PHACTR3: variants seen among roughly 807,000 people sequenced by gnomAD.
PHACTR3 encodes the protein protein phosphatase 1, regulatory subunit 123.
PHACTR3 carries 16 observed loss-of-function variants against 66.8 expected under a neutral mutation model. The observed-to-expected ratio is 0.24, with a 90% CI of 0.16 to 0.36. The LOEUF (loss-of-function observed/expected upper bound fraction) is 0.36, where lower values mean the gene tolerates loss of function less well. PHACTR3 is among the 10% of genes least tolerant of loss of function. PHACTR3 has a pLI of 1.00. For synonymous variants in PHACTR3, 323 were observed against 292.1 expected (o/e 1.11, Z -1.08); for missense variants, 647 against 719.9 (o/e 0.90, Z 1.16).
chr20:59,663,467 C>A (rs1402097834), intron 1 of PHACTR3, among the ~76,000 whole-genome samples: 1 of 152,118 alleles, frequency 6.6e-6, no homozygotes. Flanking sequence ...CTAGTGAGGC[C>A]CCCAGTTCTT....
intron 1 of PHACTR3, among the ~76,000 whole-genome samples, chr20:59,693,611 G>C (rs575994432): frequency 6.6e-6 from 1 of 152,210 alleles, no homozygotes; most frequent in Admixed American, 6.5e-5. Context: ...TGGTGTATCA[G>C]TTACCTGTTT....
At chr20:59,712,948 T>G (rs1298604814) in intron 1 of PHACTR3, among the ~76,000 whole-genome samples, 1 of 152,264 alleles carries the variant, frequency 6.6e-6, no homozygotes, top group Non-Finnish European at 1.5e-5. Context: ...AACATTATCA[T>G]TCTAATTTCT....
chr20:59,685,267 C>T (rs1340314973), intron 1 of PHACTR3, among the ~76,000 whole-genome samples: 10 of 152,212 alleles, frequency 6.6e-5, no homozygotes, highest in African/African-American at 2.4e-4. Context: ...CTCCCATTGC[C>T]TCTGGACCAC....
At chr20:59,743,599 C>T (rs909701993) in intron 2 of PHACTR3, among the ~76,000 whole-genome samples, 6 of 152,218 alleles carry the variant, frequency 3.9e-5, no homozygotes, top group African/African-American at 1.4e-4. Flanking sequence ...GAGACACTGG[C>T]TTTGGAGCAA....
chr20:59,661,230 C>T (rs1421912147), intron 1 of PHACTR3, among the ~76,000 whole-genome samples: 1 of 152,092 alleles, frequency 6.6e-6, no homozygotes. Context: ...CTTTTTCCTG[C>T]TGGACTGGGC....
chr20:59,630,864 C>T (rs1481468029), intron 1 of PHACTR3, among the ~76,000 whole-genome samples: 2 of 151,838 alleles, frequency 1.3e-5, no homozygotes, highest in Non-Finnish European at 2.9e-5. Context: ...CAAGGAAGCT[C>T]TAGGATTCTC....
chr20:59,645,448 C>A (rs1326561330), intron 1 of PHACTR3, among the ~76,000 whole-genome samples: 2 of 151,984 alleles, frequency 1.3e-5, no homozygotes, highest in African/African-American at 4.8e-5. Flanking sequence ...CCCTCAGATC[C>A]CAGCCTGTGG....
intron 1 of PHACTR3, among the ~76,000 whole-genome samples, chr20:59,609,893 A>G (rs1238820043): frequency 6.6e-6 from 1 of 152,216 alleles, no homozygotes; most frequent in Non-Finnish European, 1.5e-5. Flanking sequence ...TACTGAGTTT[A>G]AGAACTCAGA....
intron 1 of PHACTR3, chr20:59,676,612 C>T (rs2036458026): frequency 1.3e-6 from 1 of 796,518 alleles, no homozygotes; most frequent in African/African-American, 1.9e-5. Flanking sequence ...AGCGAGTCCC[C>T]AGGAGCAAGT....
At chr20:59,662,033 C>G (rs1261536602) in intron 1 of PHACTR3, among the ~76,000 whole-genome samples, 2 of 152,146 alleles carry the variant, frequency 1.3e-5, no homozygotes, top group African/African-American at 4.8e-5. Context: ...CATTTAGAGA[C>G]AGGAAACTTG....
chr20:59,618,570 C>G (rs1203768309), intron 1 of PHACTR3, among the ~76,000 whole-genome samples: 2 of 152,152 alleles, frequency 1.3e-5, no homozygotes, highest in Non-Finnish European at 1.5e-5. Flanking sequence ...GGAGAGGAGG[C>G]TCAATCTCAG....
At chr20:59,668,867 ATTTTT>A (rs1478621478) in intron 1 of PHACTR3, among the ~76,000 whole-genome samples, 9 of 110,252 alleles carry the variant, frequency 8.2e-5, no homozygotes, top group African/African-American at 2.5e-4. Flanking sequence ...CACACAGCTA[ATTTTT>A]TTATTTTATT....
At chr20:59,676,560 A>G (rs1020113148) in intron 1 of PHACTR3, 1 of 227,834 alleles carries the variant, frequency 4.4e-6, no homozygotes, top group Non-Finnish European at 7.3e-6. Flanking sequence ...CTTCCTGACA[A>G]TTGCAGTGCT....
intron 1 of PHACTR3, among the ~76,000 whole-genome samples, chr20:59,711,257 G>A (rs2037904811): frequency 1.3e-5 from 2 of 152,046 alleles, no homozygotes; most frequent in African/African-American, 2.4e-5. Context: ...TTACATTGTT[G>A]TGCGTAAGGC....
chr20:59,752,757 T>C (rs2039645545), intron 3 of PHACTR3, among the ~76,000 whole-genome samples: 1 of 152,152 alleles, frequency 6.6e-6, no homozygotes, highest in Admixed American at 6.6e-5. Flanking sequence ...GTGACAGTCA[T>C]GGCAGCAAAA....
intron 7 of PHACTR3, among the ~76,000 whole-genome samples, chr20:59,795,808 T>C (rs1185979842): frequency 6.6e-6 from 1 of 152,134 alleles, no homozygotes; most frequent in East Asian, 1.9e-4. Context: ...GGTTTCAATT[T>C]GCATGGAGTA....
chr20:59,731,975 A>ACAG (rs899618962), intron 1 of PHACTR3, among the ~76,000 whole-genome samples: 4 of 152,188 alleles, frequency 2.6e-5, no homozygotes, highest in African/African-American at 9.6e-5. Flanking sequence ...AAACTATTTG[A>ACAG]CAGCTTTTGT....
At chr20:59,637,635 C>T (rs908059915) in intron 1 of PHACTR3, among the ~76,000 whole-genome samples, 2 of 150,532 alleles carry the variant, frequency 1.3e-5, no homozygotes, top group Admixed American at 6.6e-5. Context: ...TCAACCCTAA[C>T]GTGAACAAAT....
intron 7 of PHACTR3, among the ~76,000 whole-genome samples, chr20:59,785,171 C>A (rs1022431187): frequency 5.3e-5 from 8 of 152,140 alleles, no homozygotes; most frequent in African/African-American, 1.9e-4. Flanking sequence ...TGTTTTCTTA[C>A]CATTCTGGAG....
Sources: allele counts gnomAD v4.1 joint callset (sites outside exome capture counted in the v4.1 genomes callset), GRCh38; gene constraint gnomAD v4.1.1; transcripts MANE v1.5; gene names NCBI Gene and HGNC (gene_info 2026-07-23, HGNC 2026-07-21).